Variants in GRM5 observed in about 807,000 individuals in gnomAD.
The protein encoded by GRM5 is metabotropic glutamate receptor 5.
In GRM5, 19 loss-of-function variants were observed where a neutral mutation model predicts 83.1. That is an observed-to-expected ratio of 0.23 (90% CI 0.16 to 0.34). GRM5 has a LOEUF of 0.34. Ranked by LOEUF, GRM5 falls within the 10% of genes least tolerant of loss-of-function variation. The probability of loss-of-function intolerance (pLI) is 1.00; values close to 1 mark genes in which losing one functional copy is unlikely to be tolerated. For synonymous variants in GRM5, 675 were observed against 633.6 expected, an observed-to-expected ratio of 1.07 and a Z score of -0.98; for missense variants, 1,160 against 1,588.3, an observed-to-expected ratio of 0.73 and a Z score of 4.58.
At chr11:88,945,786 GA>G (rs904284720) in intron 2 of GRM5, among the ~76,000 whole-genome samples, 2 of 151,924 alleles carry the variant, frequency 1.3e-5, no homozygotes, top group Non-Finnish European at 2.9e-5. Flanking sequence ...AAGGATCCTA[GA>G]AAAAAGCCTA....
intron 2 of GRM5, among the ~76,000 whole-genome samples, chr11:88,893,658 C>G (rs1945184101): frequency 6.6e-6 from 1 of 151,978 alleles, no homozygotes; most frequent in South Asian, 2.1e-4. Flanking sequence ...TATCACAACC[C>G]ATTGGAATGA....
chr11:88,660,687 C>T (rs1347099467), intron 3 of GRM5, among the ~76,000 whole-genome samples: 7 of 152,152 alleles, frequency 4.6e-5, no homozygotes. Context: ...TTATGCTTAT[C>T]ATGATGAAAC....
At chr11:88,558,250 A>G (rs189010795) in intron 8 of GRM5, among the ~76,000 whole-genome samples, 128 of 152,236 alleles carry the variant, frequency 8.4e-4, no homozygotes, top group Middle Eastern at 6.8e-3. Flanking sequence ...AAAAGTAACT[A>G]TATCAGGGTT....
intron 3 of GRM5, among the ~76,000 whole-genome samples, chr11:88,756,032 C>T (rs1027743423): frequency 3.3e-5 from 5 of 152,174 alleles, no homozygotes; most frequent in African/African-American, 1.2e-4. Context: ...ATATTTACCT[C>T]TTTGTATCTG....
chr11:88,847,383 T>C (rs569638343), intron 3 of GRM5, among the ~76,000 whole-genome samples: 76 of 152,326 alleles, frequency 5.0e-4, no homozygotes, highest in African/African-American at 1.5e-3. Context: ...AATGAAACAA[T>C]ACATGTAAAG....
Position 88,669,044 on chromosome 11 carries a change from A to G in GRM5, c.912-15641T>C, listed in dbSNP as rs1047869061. ...AAAAATTGAATTGCCATATGATCCA[A>G]TAATCCTATTTCTGGGTATTTATTT... On this transcript the variant is annotated intron_variant, in intron 3 of 9. Coordinates refer to ENST00000305447, the MANE Select transcript of GRM5 (RefSeq NM_001143831.3). Among the ~76,000 whole-genome samples the G allele has an allele frequency of 5.9e-5, 9 of 152,170 alleles. 1 individual carries two copies. The highest frequency in any genetic ancestry group is 2.2e-4 in the African/African-American group (9 of 41,460).
chr11:88,820,854 A>T (rs1943776966), intron 3 of GRM5, among the ~76,000 whole-genome samples: 1 of 152,196 alleles, frequency 6.6e-6, no homozygotes, highest in Non-Finnish European at 1.5e-5. Context: ...AGTGAGCACT[A>T]AAAAATAGTT....
At chr11:88,773,832 C>G (rs1486415152) in intron 3 of GRM5, among the ~76,000 whole-genome samples, 1 of 152,142 alleles carries the variant, frequency 6.6e-6, no homozygotes, top group Non-Finnish European at 1.5e-5. Context: ...GGTACCAGTA[C>G]CATGCTGTTT....
intron 3 of GRM5, among the ~76,000 whole-genome samples, chr11:88,662,044 T>A (rs2135318914): frequency 6.6e-6 from 1 of 152,266 alleles, no homozygotes. Flanking sequence ...GGAGGAGTGA[T>A]ATCAGAACAT....
chr11:88,702,216 C>A (rs1350333741), intron 3 of GRM5, among the ~76,000 whole-genome samples: 2 of 152,056 alleles, frequency 1.3e-5, no homozygotes, highest in African/African-American at 4.8e-5. Context: ...TAGATAGATA[C>A]AAGGAATCTG....
chr11:88,925,707 T>C, intron 2 of GRM5: 2 of 452,348 alleles, frequency 4.4e-6, no homozygotes, highest in Admixed American at 4.7e-5. Flanking sequence ...AGGCCAAGAG[T>C]TGAAGACCAG....
At chr11:88,737,791 T>A (rs2135413243) in intron 3 of GRM5, among the ~76,000 whole-genome samples, 1 of 152,198 alleles carries the variant, frequency 6.6e-6, no homozygotes, top group South Asian at 2.1e-4. Context: ...TATACTACAA[T>A]ATGCATGATC....
intron 2 of GRM5, among the ~76,000 whole-genome samples, chr11:88,961,773 T>G (rs1938790665): frequency 6.6e-6 from 1 of 152,188 alleles, no homozygotes; most frequent in Non-Finnish European, 1.5e-5. Flanking sequence ...GATAATCCTT[T>G]TATGCATGTG....
At chr11:89,026,222 A>G (rs958420751) in intron 2 of GRM5, among the ~76,000 whole-genome samples, 5 of 152,200 alleles carry the variant, frequency 3.3e-5, no homozygotes, top group African/African-American at 1.2e-4. Flanking sequence ...TATGCACATT[A>G]CACAGGTGAC....
intron 9 of GRM5, among the ~76,000 whole-genome samples, chr11:88,524,888 T>A (rs1392076418): frequency 1.3e-5 from 2 of 151,960 alleles, no homozygotes; most frequent in Admixed American, 6.6e-5. Flanking sequence ...GGGGCTGGAG[T>A]CTTCCTTCAA....
chr11:88,762,702 T>C (rs1942548540), intron 3 of GRM5, among the ~76,000 whole-genome samples: 1 of 151,972 alleles, frequency 6.6e-6, no homozygotes, highest in Admixed American at 6.6e-5. Context: ...TGAATATAAA[T>C]TGTTCTATCA....
intron 3 of GRM5, among the ~76,000 whole-genome samples, chr11:88,786,494 C>T (rs1943070944): frequency 6.6e-6 from 1 of 152,032 alleles, no homozygotes; most frequent in African/African-American, 2.4e-5. Context: ...TTTTTGAACT[C>T]ATCTCTTTCA....
At chr11:88,658,103 C>T (rs61902895) in intron 3 of GRM5, among the ~76,000 whole-genome samples, 3 of 151,922 alleles carry the variant, frequency 2.0e-5, no homozygotes, top group Non-Finnish European at 4.4e-5. Context: ...AGCTCTGTCA[C>T]CTGTTAGATC....
chr11:88,795,538 A>G (rs1943260550), intron 3 of GRM5, among the ~76,000 whole-genome samples: 1 of 152,234 alleles, frequency 6.6e-6, no homozygotes, highest in African/African-American at 2.4e-5. Flanking sequence ...TGAAGCCATT[A>G]GAAATAACTA....
Sources: gnomAD v4.1 joint callset for allele counts (sites outside exome capture counted in the v4.1 genomes callset) on GRCh38, gnomAD v4.1.1 for gene constraint, MANE v1.5 for transcripts, NCBI Gene and HGNC (gene_info 2026-07-23, HGNC 2026-07-21) for gene names.